PRELID2: variants seen among roughly 807,000 people sequenced by gnomAD.
PRELID2 encodes the protein PRELI domain-containing protein 2.
A neutral mutation model predicts 28.4 loss-of-function variants in PRELID2; 25 were observed. The observed-to-expected ratio is 0.88, with a 90% CI of 0.64 to 1.23. PRELID2 has a LOEUF of 1.23. PRELID2 is among the 50% of genes most tolerant of loss of function. The pLI is 0.00. For missense variants in PRELID2, 201 were observed against 214.4 expected (o/e 0.94, Z 0.39); for synonymous variants, 76 against 71.6 (o/e 1.06, Z -0.31).
chr5:145,343,444 A>G, the PRELID2 span, among the ~76,000 whole-genome samples: 7 of 151,916 alleles, frequency 4.6e-5, no homozygotes, highest in Admixed American at 4.6e-4. Context: ...AACAAAGAAA[A>G]TTAAAACAAA....
intron 4 of PRELID2, among the ~76,000 whole-genome samples, chr5:145,817,236 T>TATATATATATATATAC (rs1358205146): frequency 7.8e-6 from 1 of 128,190 alleles, no homozygotes; most frequent in African/African-American, 2.7e-5. Flanking sequence ...TATATATATA[T>TATATATATATATATAC]ACTTTAGATA....
chr5:145,261,185 G>A, the PRELID2 span, among the ~76,000 whole-genome samples: 1 of 152,152 alleles, frequency 6.6e-6, no homozygotes, highest in African/African-American at 2.4e-5. Flanking sequence ...GAGAGTCTGA[G>A]CTCAGACACA....
intron 1 of PRELID2, among the ~76,000 whole-genome samples, chr5:145,661,098 C>T (rs1210507271): frequency 6.6e-6 from 1 of 152,160 alleles, no homozygotes; most frequent in Non-Finnish European, 1.5e-5. Context: ...CTCAATCTTA[C>T]TGCTTAGGTT....
chr5:145,513,443 GA>G (rs1203525462), intron 1 of PRELID2, among the ~76,000 whole-genome samples: 1 of 151,890 alleles, frequency 6.6e-6, no homozygotes, highest in African/African-American at 2.4e-5. Context: ...AGAGAAAAAA[GA>G]ATGAAAATGA....
chr5:145,436,396 T>A, the PRELID2 span, among the ~76,000 whole-genome samples: 3 of 152,158 alleles, frequency 2.0e-5, no homozygotes, highest in Non-Finnish European at 4.4e-5. Flanking sequence ...GATGAACATA[T>A]GCATGCATAT....
At chr5:145,277,866 C>G in the PRELID2 span, among the ~76,000 whole-genome samples, 2 of 152,082 alleles carry the variant, frequency 1.3e-5, no homozygotes, top group Admixed American at 6.6e-5. Flanking sequence ...ACACACATAC[C>G]TTCCCTCTAG....
intron 1 of PRELID2, among the ~76,000 whole-genome samples, chr5:145,708,779 C>A (rs1755614024): frequency 6.6e-6 from 1 of 152,092 alleles, no homozygotes; most frequent in Non-Finnish European, 1.5e-5. Flanking sequence ...TAAAACCAAA[C>A]AAAATAGAAA....
chr5:145,800,440 GGT>G (rs1753060170), intron 4 of PRELID2, among the ~76,000 whole-genome samples: 1 of 151,806 alleles, frequency 6.6e-6, no homozygotes, highest in Non-Finnish European at 1.5e-5. Flanking sequence ...ACTATATCCT[GGT>G]GACACTAATC....
At chr5:145,653,605 C>A (rs539197924) in intron 1 of PRELID2, among the ~76,000 whole-genome samples, 1 of 152,246 alleles carries the variant, frequency 6.6e-6, no homozygotes, top group Non-Finnish European at 1.5e-5. Context: ...TCACTCAAAA[C>A]CACTCAACTA....
At chr5:145,515,064 A>G (rs1752504424) in intron 1 of PRELID2, among the ~76,000 whole-genome samples, 1 of 152,204 alleles carries the variant, frequency 6.6e-6, no homozygotes, top group Non-Finnish European at 1.5e-5. Flanking sequence ...GGAAAGACCT[A>G]AAGTCAACAC....
intron 1 of PRELID2, among the ~76,000 whole-genome samples, chr5:145,529,686 A>T (rs972018613): frequency 1.3e-5 from 2 of 152,186 alleles, no homozygotes; most frequent in African/African-American, 4.8e-5. Flanking sequence ...CATTGTAGTG[A>T]CAGATACAAA....
intron 1 of PRELID2, among the ~76,000 whole-genome samples, chr5:145,832,119 C>A (rs543468972): frequency 6.6e-6 from 1 of 152,316 alleles, no homozygotes; most frequent in East Asian, 1.9e-4. Flanking sequence ...CTTAGCTGAG[C>A]AAACCCTGAG....
At chr5:145,526,439 G>C (rs1470634569) in intron 1 of PRELID2, among the ~76,000 whole-genome samples, 1 of 152,180 alleles carries the variant, frequency 6.6e-6, no homozygotes, top group Non-Finnish European at 1.5e-5. Context: ...AGGGGAAAAA[G>C]ATGGCAAGCT....
intron 2 of PRELID2, 38 bp from the exon 3 acceptor site, chr5:145,820,056 G>A: frequency 8.2e-7 from 1 of 1,224,664 alleles, no homozygotes; most frequent in South Asian, 1.3e-5. Context: ...AAAAATTAAA[G>A]AAATGTGTTC....
At chr5:145,512,345 G>A (rs555901329) in intron 1 of PRELID2, among the ~76,000 whole-genome samples, 17 of 152,244 alleles carry the variant, frequency 1.1e-4, no homozygotes, top group Admixed American at 2.6e-4. Flanking sequence ...TGGGAAGTGC[G>A]CGGTTTTCCC....
At chr5:145,574,915 C>A (rs989940558) in intron 1 of PRELID2, among the ~76,000 whole-genome samples, 6 of 152,184 alleles carry the variant, frequency 3.9e-5, no homozygotes, top group Admixed American at 2.6e-4. Flanking sequence ...ACATGTTCAG[C>A]ATAGGTGTAA....
chr5:145,828,808 A>G (rs1019639335), intron 1 of PRELID2, among the ~76,000 whole-genome samples: 1 of 146,652 alleles, frequency 6.8e-6, no homozygotes, highest in Non-Finnish European at 1.5e-5. Flanking sequence ...AGACAGGTCC[A>G]TGTACTTAGA....
At chr5:145,359,527 AC>A in the PRELID2 span, among the ~76,000 whole-genome samples, 1 of 152,320 alleles carries the variant, frequency 6.6e-6, no homozygotes, top group Non-Finnish European at 1.5e-5. Flanking sequence ...ATCAATTATG[AC>A]CACATGGTAG....
chr5:145,292,199 T>A, the PRELID2 span, among the ~76,000 whole-genome samples: 1 of 152,150 alleles, frequency 6.6e-6, no homozygotes, highest in South Asian at 2.1e-4. Flanking sequence ...GAAGATAAAC[T>A]CCCTTTCGAG....
Sources: allele counts gnomAD v4.1 joint callset (sites outside exome capture counted in the v4.1 genomes callset), GRCh38; gene constraint gnomAD v4.1.1; transcripts MANE v1.5; gene names NCBI Gene and HGNC (gene_info 2026-07-23, HGNC 2026-07-21).